Variants in RCCD1 observed in about 807,000 individuals in gnomAD.
RCCD1 encodes the protein RCC1 domain containing 1.
In RCCD1, 40 loss-of-function variants were observed where a neutral mutation model predicts 37.6. The ratio of observed to expected loss-of-function variants is 1.06; its 90% CI spans 0.83 to 1.39. The LOEUF is 1.39. Ranked by LOEUF, RCCD1 falls within the 40% of genes most tolerant of loss-of-function variation. The pLI is 0.00. For missense variants in RCCD1, 577 were observed against 517.3 expected (o/e 1.12, Z -1.12); for synonymous variants, 263 against 230.0 (o/e 1.14, Z -1.30).
intron 1 of RCCD1, chr15:90,955,517 C>T (rs2037160644): frequency 6.6e-6 from 1 of 152,296 alleles, no homozygotes. Flanking sequence ...ACTGGGGTCT[C>T]AGGAGAGACC....
chr15:90,959,197 G>A (rs923133100), intron 4 of RCCD1, among the ~76,000 whole-genome samples: 2 of 152,156 alleles, frequency 1.3e-5, no homozygotes, highest in African/African-American at 4.8e-5. Flanking sequence ...CTGCGTAAAT[G>A]GTGATATTGT....
intron 6 of RCCD1, 181 bp downstream of exon 6, chr15:90,960,679 G>T: frequency 1.6e-6 from 1 of 642,186 alleles, no homozygotes; most frequent in Non-Finnish European, 2.7e-6. Context: ...GTCAGGCCCA[G>T]AAGTTTCTTC....
intron 4 of RCCD1, among the ~76,000 whole-genome samples, chr15:90,958,627 C>CAAAAAAAAAA (rs5814447): frequency 2.7e-5 from 2 of 75,012 alleles, no homozygotes; most frequent in Non-Finnish European, 2.7e-5. Context: ...GACTCAGTCT[C>CAAAAAAAAAA]AAAAAAAAAA....
chr15:90,957,725 G>T lies in RCCD1; in HGVS notation c.679G>T (p.Glu227Ter), dbSNP rs2037232177. The T allele has an allele frequency of 6.2e-7, 1 of 1,603,738 alleles. No homozygotes were observed. Among genetic ancestry groups the T allele is most frequent in the Non-Finnish European group, 8.5e-7 (1 of 1,174,372 alleles). Residue 227 changes from glutamate (E) to a stop codon, truncating the protein, a stop_gained and splice_region_variant, in exon 4 of 8, where the codon GAG becomes TAG. Transcript: ENST00000394258. LOFTEE classifies it high-confidence loss of function. ...GGGCTGGCATTCTGTGTGTGTGAGTGGTGAGTGACTTAGTGCTTCTCCAGA... is the reference window on the plus strand; with the variant it reads ...GGGCTGGCATTCTGTGTGTGTGAGTTGTGAGTGACTTAGTGCTTCTCCAGA... ...AGGWHSVCVS[E>*]TGDIYIWGWN...
intron 5 of RCCD1, 112 bp downstream of exon 5, chr15:90,960,110 C>T: frequency 3.0e-6 from 3 of 995,990 alleles, no homozygotes; most frequent in Admixed American, 2.3e-5. Context: ...GCATGTGAGC[C>T]CCTTATGGGA....
intron 7 of RCCD1, 50 bp downstream of exon 7, chr15:90,961,104 C>T: frequency 1.9e-6 from 3 of 1,572,416 alleles, no homozygotes; most frequent in Non-Finnish European, 2.6e-6. Flanking sequence ...AGAAGAAAGA[C>T]CTGGGAGTAC....
Position 90,957,299 on chromosome 15 carries a change from A to C in RCCD1, c.353A>C (p.Glu118Ala). 1 of 1,532,586 alleles carries C rather than the reference A, an allele frequency of 6.5e-7. No individual in the cohort carries two copies. The highest frequency in any genetic ancestry group is 8.8e-7 in the Non-Finnish European group (1 of 1,136,834). The allele number at this position is 1,532,586 out of a possible 1,614,324, so 94.9% of individuals were successfully genotyped here. A position where few individuals can be genotyped will look rare whatever the true frequency, so the allele number is the denominator to read the frequency against. The change falls in exon 3 of 8, where the codon GAG (glutamate) becomes GCG (alanine). Residue 118 changes from glutamate (E) to alanine (A), a missense_variant. Glu to Ala is a moderately radical substitution (Grantham distance 107). Transcript: ENST00000394258. ...EPLWAQNVVPEAEGEDDPAGE... is the reference protein window; with the variant it reads ...EPLWAQNVVPAAEGEDDPAGE... ...TTGTGGGCCCAGAATGTGGTGCCCG[A>C]GGCCGAAGGGGAAGACGATCCGGCC...
Position 90,961,688 on chromosome 15 carries a change from A to C in RCCD1, c.1050A>C (p.Val350=). The change falls in exon 8 of 8, where the codon GTA becomes GTC. Residue 350 remains valine (V), a synonymous_variant. Coordinates refer to ENST00000394258, the MANE Select transcript of RCCD1 (RefSeq NM_001017919.2). ...GGCCTCGCCGTGTGGAATACTTTGT[A>C]GATAAGCAACTCCAAGTAAAGGCTG... The part of the protein sequence containing the change: ...LDRPRRVEYF[V]DKQLQVKAVT... The C allele has an allele frequency of 6.2e-7, 1 of 1,614,176 alleles. No individual in the cohort carries two copies. Among genetic ancestry groups the C allele is most frequent in the Non-Finnish European group, 8.5e-7 (1 of 1,180,020 alleles).
chr15:90,957,173 C>T lies in RCCD1; in HGVS notation c.227C>T (p.Ala76Val). The T allele has an allele frequency of 7.2e-7, 1 of 1,380,034 alleles. No individual in the cohort carries two copies. 85.5% of individuals were successfully genotyped at this position (1,380,034 alleles called of 1,614,324 possible). A position where few individuals can be genotyped will look rare whatever the true frequency, so the allele number is the denominator to read the frequency against. ...GGCGCGGCGGGCCGCTGCAAGGACGCGTGGGCCTCGGAGGGGCTCCTCGCG... is the reference window on the plus strand; with the variant it reads ...GGCGCGGCGGGCCGCTGCAAGGACGTGTGGGCCTCGGAGGGGCTCCTCGCG... Reference protein sequence around the residue: ...ASGAAGRCKDAWASEGLLAVL... With the variant: ...ASGAAGRCKDVWASEGLLAVL... The change falls in exon 3 of 8, where the codon GCG (alanine) becomes GTG (valine). Residue 76 changes from alanine to valine, a missense_variant. By Grantham distance (64) the Ala-to-Val change is moderately conservative. Transcript: ENST00000394258.
intron 5 of RCCD1, 33 bp downstream of exon 5, chr15:90,960,031 C>G (rs773765473): frequency 5.2e-6 from 8 of 1,526,074 alleles, no homozygotes; most frequent in South Asian, 1.1e-5. Flanking sequence ...CAGCCGTCTC[C>G]CCAGGATGTG....
At chr15:90,961,171 TGGGA>T in intron 7 of RCCD1, 117 bp downstream of exon 7, 1 of 1,009,322 alleles carries the variant, frequency 9.9e-7, no homozygotes, top group Non-Finnish European at 1.5e-6. Context: ...GCCAGGTCAC[TGGGA>T]GGAACAGGAC....
chr15:90,960,846 T>A, intron 6 of RCCD1, 179 bp from the exon 7 acceptor site: 1 of 706,602 alleles, frequency 1.4e-6, no homozygotes, highest in Non-Finnish European at 2.5e-6. Context: ...ACTTTTTCCC[T>A]CGGGATCCTC....
At position 90,959,697 on chromosome 15, in the gene RCCD1, C is replaced by CT; in HGVS notation, c.680-201dup. 6.7e-6 allele frequency: 3 copies of CT among 448,976 alleles called. No homozygotes were observed. The Middle Eastern group carries it at 1.7e-3, about 255-fold the overall frequency. The allele number at this position is 448,976 out of a possible 1,614,324, so 27.8% of individuals were successfully genotyped here. A position where few individuals can be genotyped will look rare whatever the true frequency, so the allele number is the denominator to read the frequency against. On this transcript the variant is annotated intron_variant, in intron 4 of 7. Transcript: ENST00000394258. ...TGGAAGTAGAAGGTCCAGTAAGGGA[C>CT]TTAAAGGGTGATCTGAAGGCATTGA... is the stretch of plus-strand genomic sequence containing the variant.
chr15:90,957,133 T>G lies in RCCD1; in HGVS notation c.187T>G (p.Ser63Ala). 1 of 1,357,858 alleles carries G rather than the reference T, an allele frequency of 7.4e-7. No homozygotes were observed. The allele number at this position is 1,357,858 out of a possible 1,614,324, so 84.1% of individuals were successfully genotyped here. A position where few individuals can be genotyped will look rare whatever the true frequency, so the allele number is the denominator to read the frequency against. The change falls in exon 3 of 8, where the codon TCG becomes GCG. Residue 63 changes from serine to alanine, a missense_variant. Transcript: ENST00000394258. ...CGCAGGTGGAGGCCGCTTGGAGCTG[T>G]CGGGCTCAGCCAGCGGCGCGGCGGG... ...FVTRGGRLEL[S>A]GSASGAAGRC...
In RCCD1 at chr15:90,957,354, G is replaced by A; in HGVS notation, c.408G>A (p.Leu136=). 1 of 1,546,420 alleles carries A rather than the reference G, an allele frequency of 6.5e-7. No individual in the cohort carries two copies. Among genetic ancestry groups the A allele is most frequent in the Non-Finnish European group, 8.7e-7 (1 of 1,145,958 alleles). ...AGGCCCAGGCTGGGAGGCTACCCCT[G>A]CTGCCCTGCGCCCGTGCCTACGTGA... The part of the protein sequence containing the change: ...AGEAQAGRLP[L]LPCARAYVSP... Residue 136 remains leucine, a synonymous_variant, in exon 3 of 8, where the codon CTG becomes CTA. Transcript: ENST00000394258.
Position 90,959,922 on chromosome 15 carries a change from G to T in RCCD1, c.702G>T (p.Trp234Cys). 1 of 1,613,298 alleles carries T rather than the reference G, an allele frequency of 6.2e-7. No homozygotes were observed. The highest frequency in any genetic ancestry group is 1.3e-5 in the African/African-American group (1 of 75,004). Residue 234 changes from tryptophan to cysteine, a missense_variant, in exon 5 of 8, where the codon TGG (tryptophan) becomes TGT (cysteine). Transcript: ENST00000394258. The stretch of plus-strand genomic sequence containing the variant: ...CAGAGACTGGGGATATTTATATCTG[G>T]GGCTGGAATGAATCAGGGCAGCTGG... The part of the protein sequence containing the change: ...CVSETGDIYI[W>C]GWNESGQLAL...
rs780499670 is a variant in RCCD1, at chr15:90,959,983, A to G, written c.763A>G (p.Thr255Ala). ...PTRNLAEDGETVAREATELNE... is the reference protein window; with the variant it reads ...PTRNLAEDGEAVAREATELNE... ...CAGGAACCTGGCAGAGGATGGAGAG[A>G]CTGTCGCAAGGGAAGGTGAGGGTCA... The change falls in exon 5 of 8, where the codon ACT becomes GCT. Residue 255 changes from threonine (T) to alanine (A), a missense_variant. Coordinates refer to ENST00000394258, the MANE Select transcript of RCCD1 (RefSeq NM_001017919.2). 4 of 1,613,038 alleles carry G rather than the reference A, an allele frequency of 2.5e-6. No homozygotes were observed. Among genetic ancestry groups the G allele is most frequent in the Non-Finnish European group, 3.4e-6 (4 of 1,179,586 alleles).
In RCCD1 at chr15:90,963,001, T is replaced by G. The variant is rs781165680; in HGVS notation, c.*1232T>G. On this transcript the variant is annotated 3_prime_UTR_variant, in exon 8 of 8. Coordinates refer to ENST00000394258, the MANE Select transcript of RCCD1 (RefSeq NM_001017919.2). The stretch of plus-strand genomic sequence containing the variant: ...TTTCTTTATAGTTAAATTCTATTTG[T>G]GCATGTGTGTGTCTGTGGTTTAGCA... 6.6e-6 allele frequency: 1 copy of G among 152,258 alleles called. No individual in the cohort carries two copies. Among genetic ancestry groups the G allele is most frequent in the Non-Finnish European group, 1.5e-5 (1 of 68,052 alleles). The allele number at this position is 152,258 out of a possible 1,614,324, so 9.4% of individuals were successfully genotyped here. A position where few individuals can be genotyped will look rare whatever the true frequency, so the allele number is the denominator to read the frequency against.
At chr15:90,956,010 G>T (rs570533058) in intron 1 of RCCD1, 1 of 152,216 alleles carries the variant, frequency 6.6e-6, no homozygotes, top group East Asian at 1.9e-4. Context: ...GCATGTACTC[G>T]CACCAAACCC....
Sources: gnomAD v4.1 joint callset for allele counts (sites outside exome capture counted in the v4.1 genomes callset) on GRCh38, gnomAD v4.1.1 for gene constraint, MANE v1.5 for transcripts, NCBI Gene and HGNC (gene_info 2026-07-23, HGNC 2026-07-21) for gene names.